Variants in SRGAP1 observed in about 807,000 individuals in gnomAD.
The protein encoded by SRGAP1 is SLIT-ROBO Rho GTPase activating protein 1.
In SRGAP1, 43 loss-of-function variants were observed where a neutral mutation model predicts 121.9. That is an observed-to-expected ratio of 0.35 (90% CI 0.28 to 0.46). The LOEUF (loss-of-function observed/expected upper bound fraction) is 0.46. Among genes scored for constraint, SRGAP1 ranks in the 20% least tolerant of loss-of-function variants. The pLI, the probability that SRGAP1 is intolerant of heterozygous loss-of-function variation, is 1.00. For missense variants in SRGAP1, 1,102 were observed against 1,350.9 expected (o/e 0.82, Z 2.89); for synonymous variants, 447 against 485.4 (o/e 0.92, Z 1.04).
chr12:63,974,435 G>T (rs1373340486), intron 1 of SRGAP1, among the ~76,000 whole-genome samples: 1 of 152,120 alleles, frequency 6.6e-6, no homozygotes, highest in African/African-American at 2.4e-5. Flanking sequence ...GCCTCTATGT[G>T]TCAGAAATTT....
intron 3 of SRGAP1, among the ~76,000 whole-genome samples, chr12:64,003,099 GGAGA>G (rs1475237754): frequency 2.0e-5 from 3 of 149,242 alleles, no homozygotes; most frequent in Non-Finnish European, 3.0e-5. Context: ...TGGGAGGGAG[GGAGA>G]AAGGAAGGGT....
chr12:63,928,841 C>A (rs2031359116), intron 1 of SRGAP1, among the ~76,000 whole-genome samples: 1 of 152,152 alleles, frequency 6.6e-6, no homozygotes, highest in Admixed American at 6.5e-5. Context: ...TCATAAGAAA[C>A]CCACAACTTA....
chr12:64,017,142 A>G, intron 4 of SRGAP1, 130 bp downstream of exon 4: 1 of 576,764 alleles, frequency 1.7e-6, no homozygotes, highest in South Asian at 3.0e-5. Context: ...AAATACAGGA[A>G]CAAGGGATAG....
intron 2 of SRGAP1, among the ~76,000 whole-genome samples, chr12:63,988,851 C>G (rs912394415): frequency 2.6e-5 from 4 of 152,216 alleles, no homozygotes; most frequent in East Asian, 3.9e-4. Context: ...CGCCCTGTCG[C>G]CCAGGCTGGA....
Position 63,844,922 on chromosome 12 carries a change from C to T in SRGAP1, c.67+39C>T. ...CGGCTGCCTTGCTCCTTTTGTGTGC[C>T]TTCTTGTCATTGTGCTCGTGGAGTT... On this transcript the variant is annotated intron_variant, in intron 1 of 21. Coordinates refer to ENST00000355086, the MANE Select transcript of SRGAP1 (RefSeq NM_020762.4). The surrounding 1 kb of genome is among the most constrained non-coding windows in gnomAD (Gnocchi z 4.3). 1 of 1,585,480 alleles carries T rather than the reference C, an allele frequency of 6.3e-7. No homozygotes were observed. Among genetic ancestry groups the T allele is most frequent in the African/African-American group, 1.3e-5 (1 of 74,434 alleles).
chr12:63,998,368 A>G (rs1376902309), intron 3 of SRGAP1, among the ~76,000 whole-genome samples: 1 of 152,236 alleles, frequency 6.6e-6, no homozygotes, highest in Non-Finnish European at 1.5e-5. Context: ...ACTATAATGT[A>G]CATCCTACTT....
intron 1 of SRGAP1, among the ~76,000 whole-genome samples, chr12:63,869,257 CAAAG>C (rs1899767670): frequency 6.6e-6 from 1 of 152,076 alleles, no homozygotes; most frequent in Non-Finnish European, 1.5e-5. Context: ...GGCAGAAAGG[CAAAG>C]AAAGGGCAAG....
At chr12:64,095,509 G>A (rs1443778991) in intron 14 of SRGAP1, among the ~76,000 whole-genome samples, 1 of 152,096 alleles carries the variant, frequency 6.6e-6, no homozygotes, top group African/African-American at 2.4e-5. Flanking sequence ...GGGCAGCCCT[G>A]GGCCTAGACA....
chr12:64,114,930 G>T (rs1197537938), intron 17 of SRGAP1, among the ~76,000 whole-genome samples: 1 of 152,114 alleles, frequency 6.6e-6, no homozygotes, highest in Admixed American at 6.5e-5. Flanking sequence ...AAATGTAAAT[G>T]GGCTTTTACA....
At chr12:63,852,960 T>C (rs1899123024) in intron 1 of SRGAP1, among the ~76,000 whole-genome samples, 1 of 151,726 alleles carries the variant, frequency 6.6e-6, no homozygotes, top group African/African-American at 2.4e-5. Flanking sequence ...TCCTTTATAC[T>C]GCAAATAAGC....
At position 63,992,660 on chromosome 12, in the gene SRGAP1, TACACACACACACACACACACACACAC is replaced by T. The variant is rs59798383; in HGVS notation, c.426+2619_426+2644del. Among the ~76,000 whole-genome samples the T allele has an allele frequency of 1.4e-3, 192 of 138,342 alleles. 2 individuals carry two copies. The highest frequency in any genetic ancestry group is 2.0e-3 in the Admixed American group (28 of 13,826). 90.8% of individuals were successfully genotyped at this position (138,342 alleles called of 152,430 possible). On this transcript the variant is annotated intron_variant, in intron 3 of 21. Transcript: ENST00000355086. ...AATGGCCTGGAGAATGCACAGTAAA[TACACACACACACACACACACACACAC>T]ACACACACACACACACACACACACA...
rs777012427 is a variant in SRGAP1, at chr12:64,097,334, T to A, written c.1772T>A (p.Leu591His). ...TATTTCCGTGGGCTGGAAAACCCCC[T>A]CTTTCCTAAGGAAAGATTTAACGAT... ...KLYFRGLENP[L>H]FPKERFNDLI... Residue 591 changes from leucine (L) to histidine (H), a missense_variant, in exon 15 of 22, where the codon CTC (leucine) becomes CAC (histidine). Around this residue, in one of 3 missense-constraint regions of SRGAP1, gnomAD observed 747 missense variants for 929.4 expected, o/e 0.80. Coordinates refer to ENST00000355086, the MANE Select transcript of SRGAP1 (RefSeq NM_020762.4). 6.2e-7 allele frequency: 1 copy of A among 1,612,578 alleles called. No homozygotes were observed. Among genetic ancestry groups the A allele is most frequent in the South Asian group, 1.1e-5 (1 of 90,940 alleles).
intron 1 of SRGAP1, among the ~76,000 whole-genome samples, chr12:63,880,322 C>T (rs1179563977): frequency 6.6e-6 from 1 of 152,162 alleles, no homozygotes; most frequent in African/African-American, 2.4e-5. Flanking sequence ...ACCTCCGCCT[C>T]CTGGGTTCAA....
intron 4 of SRGAP1, among the ~76,000 whole-genome samples, chr12:64,025,238 C>T (rs1353872915): frequency 2.0e-5 from 3 of 151,992 alleles, no homozygotes; most frequent in East Asian, 1.9e-4. Flanking sequence ...AAACAGCCTC[C>T]GAGGACTGCG....
chr12:63,860,952 C>A (rs1487309258), intron 1 of SRGAP1, among the ~76,000 whole-genome samples: 1 of 151,964 alleles, frequency 6.6e-6, no homozygotes, highest in African/African-American at 2.4e-5. Flanking sequence ...GCTCTCACTT[C>A]AGCCTCTTGA....
At chr12:63,928,512 CTA>C (rs2031344869) in intron 1 of SRGAP1, among the ~76,000 whole-genome samples, 3 of 152,148 alleles carry the variant, frequency 2.0e-5, no homozygotes, top group Non-Finnish European at 2.9e-5. Flanking sequence ...ACAGAAAACA[CTA>C]TTCATACAAG....
At chr12:63,948,945 T>TATATATATATTCCATATATGTATTTTCC in intron 1 of SRGAP1, among the ~76,000 whole-genome samples, 1 of 88,632 alleles carries the variant, frequency 1.1e-5, no homozygotes, top group Non-Finnish European at 2.4e-5. Flanking sequence ...ATATTTTCCA[T>TATATATATATTCCATATATGTATTTTCC]ATATATATTC....
intron 3 of SRGAP1, 137 bp from the exon 4 acceptor site, chr12:64,016,813 G>A (rs775390503): frequency 7.5e-6 from 4 of 536,202 alleles, no homozygotes; most frequent in Non-Finnish European, 1.3e-5. Context: ...GTTTACAAAG[G>A]GCCATTCCGT....
At chr12:63,887,026 A>G (rs759973777) in intron 1 of SRGAP1, among the ~76,000 whole-genome samples, 37 of 152,138 alleles carry the variant, frequency 2.4e-4, no homozygotes, top group Middle Eastern at 3.4e-3. Context: ...GGCATCCGCC[A>G]CCATGCCTGG....
Sources: allele counts gnomAD v4.1 joint callset (sites outside exome capture counted in the v4.1 genomes callset), GRCh38; gene constraint gnomAD v4.1.1; regional missense constraint gnomAD v4.1.1; non-coding constraint Gnocchi (gnomAD v3.1); transcripts MANE v1.5; gene names NCBI Gene and HGNC (gene_info 2026-07-23, HGNC 2026-07-21).